Variants in GALNT13 observed in about 807,000 individuals in gnomAD.
GALNT13 encodes polypeptide N-acetylgalactosaminyltransferase 13.
GALNT13 carries 28 observed loss-of-function variants against 64.2 expected under a neutral mutation model. The ratio of observed to expected loss-of-function variants is 0.44; its 90% CI spans 0.32 to 0.60. The LOEUF (loss-of-function observed/expected upper bound fraction) is 0.60, where lower values mean the gene tolerates loss of function less well. Ranked by LOEUF, GALNT13 falls within the 20% of genes least tolerant of loss-of-function variation. GALNT13 has a pLI of 0.05. For synonymous variants in GALNT13, 214 were observed against 224.6 expected, an observed-to-expected ratio of 0.95 and a Z score of 0.42; for missense variants, 577 against 669.8, an observed-to-expected ratio of 0.86 and a Z score of 1.53.
intron 9 of GALNT13, among the ~76,000 whole-genome samples, chr2:154,327,525 G>A (rs550054807): frequency 2.6e-5 from 4 of 152,172 alleles, no homozygotes; most frequent in African/African-American, 9.6e-5. Flanking sequence ...GAAACCTCTT[G>A]TTGGTCATCC....
At chr2:153,637,012 T>C in the GALNT13 span, among the ~76,000 whole-genome samples, 1 of 152,082 alleles carries the variant, frequency 6.6e-6, no homozygotes, top group African/African-American at 2.4e-5. Context: ...TATATTTTAT[T>C]GACAGGGACT....
the GALNT13 span, among the ~76,000 whole-genome samples, chr2:153,219,343 A>G: frequency 2.0e-5 from 3 of 152,260 alleles, no homozygotes; most frequent in Non-Finnish European, 1.5e-5. Context: ...GACAGAAAAT[A>G]GGAAACTTCC....
At chr2:154,354,951 T>C (rs1361302714) in intron 9 of GALNT13, among the ~76,000 whole-genome samples, 2 of 152,124 alleles carry the variant, frequency 1.3e-5, no homozygotes, top group Non-Finnish European at 2.9e-5. Context: ...ACTTTCTACC[T>C]GACTGGATTT....
the GALNT13 span, among the ~76,000 whole-genome samples, chr2:153,674,908 A>G: frequency 2.0e-5 from 3 of 152,340 alleles, no homozygotes; most frequent in Middle Eastern, 3.4e-3. Flanking sequence ...ACACTTCTCA[A>G]AGAAGACATT....
chr2:153,893,899 A>ATT (rs751915471), intron 1 of GALNT13, among the ~76,000 whole-genome samples: 6 of 152,108 alleles, frequency 3.9e-5, no homozygotes, highest in Non-Finnish European at 5.9e-5. Flanking sequence ...AAAAGTAAGG[A>ATT]TATGCAAAGG....
intron 3 of GALNT13, among the ~76,000 whole-genome samples, chr2:154,060,033 A>G (rs1427216800): frequency 6.6e-6 from 1 of 152,126 alleles, no homozygotes; most frequent in Non-Finnish European, 1.5e-5. Flanking sequence ...TGAAATAATA[A>G]AGGTAGGGCC....
chr2:153,633,307 A>G, the GALNT13 span, among the ~76,000 whole-genome samples: 1 of 152,158 alleles, frequency 6.6e-6, no homozygotes, highest in Non-Finnish European at 1.5e-5. Flanking sequence ...ACAGCTGAGG[A>G]TATAAAGTAT....
the GALNT13 span, among the ~76,000 whole-genome samples, chr2:153,085,304 T>A: frequency 6.6e-6 from 1 of 152,168 alleles, no homozygotes; most frequent in African/African-American, 2.4e-5. Context: ...CTGCAGAAAT[T>A]TGCATAAGTA....
the GALNT13 span, among the ~76,000 whole-genome samples, chr2:153,545,369 C>T: frequency 6.6e-6 from 1 of 152,042 alleles, no homozygotes; most frequent in Non-Finnish European, 1.5e-5. Context: ...ATGTTGATTC[C>T]ATGTACACAT....
At chr2:154,298,517 A>ATTATATATAAAATTGTATATAT (rs1553511275) in intron 8 of GALNT13, among the ~76,000 whole-genome samples, 11,800 of 86,104 alleles carry the variant, frequency 0.14, 1,894 homozygotes, top group Non-Finnish European at 0.21. Flanking sequence ...TAAATTATAT[A>ATTATATATAAAATTGTATATAT]TTATATATAA....
the GALNT13 span, among the ~76,000 whole-genome samples, chr2:153,789,186 C>T: frequency 1.1e-4 from 16 of 152,116 alleles, no homozygotes; most frequent in Non-Finnish European, 1.8e-4. Context: ...CTAAAATTGA[C>T]CACACGCTGA....
At chr2:153,765,371 T>C in the GALNT13 span, among the ~76,000 whole-genome samples, 1 of 152,174 alleles carries the variant, frequency 6.6e-6, no homozygotes, top group African/African-American at 2.4e-5. Context: ...TCAAAGTAGA[T>C]CATTTTGGAA....
the GALNT13 span, among the ~76,000 whole-genome samples, chr2:153,396,764 A>C: frequency 9.2e-4 from 140 of 152,234 alleles, no homozygotes; most frequent in African/African-American, 3.3e-3. Flanking sequence ...ATTTTCACAG[A>C]AAGTCTGGAT....
At chr2:153,836,353 T>A in the GALNT13 span, among the ~76,000 whole-genome samples, 2 of 152,080 alleles carry the variant, frequency 1.3e-5, no homozygotes, top group Non-Finnish European at 2.9e-5. Context: ...ACACTTAAAA[T>A]CTACTCTTAG....
intron 9 of GALNT13, among the ~76,000 whole-genome samples, chr2:154,344,816 A>C (rs1259299927): frequency 1.3e-5 from 2 of 151,870 alleles, no homozygotes; most frequent in African/African-American, 2.4e-5. Flanking sequence ...AGAAAGGTAT[A>C]TTTTGAATTC....
intron 9 of GALNT13, among the ~76,000 whole-genome samples, chr2:154,375,464 CCTT>C (rs745570198): frequency 3.9e-5 from 6 of 152,188 alleles, no homozygotes; most frequent in South Asian, 2.1e-4. Flanking sequence ...TTTAGAGTGT[CCTT>C]CTTTGCTCAT....
the GALNT13 span, among the ~76,000 whole-genome samples, chr2:153,129,669 G>A: frequency 1.3e-5 from 2 of 151,978 alleles, no homozygotes; most frequent in Non-Finnish European, 2.9e-5. Context: ...GCTACTCAGG[G>A]GGCTGAGGCA....
chr2:153,814,372 G>A, the GALNT13 span, among the ~76,000 whole-genome samples: 4,746 of 152,224 alleles, frequency 0.031, 139 homozygotes, highest in East Asian at 0.13. Context: ...CCCGGGAGGC[G>A]GAGCTTGCGG....
chr2:154,377,359 T>C (rs1057403684), intron 9 of GALNT13, among the ~76,000 whole-genome samples: 2 of 152,166 alleles, frequency 1.3e-5, no homozygotes, highest in Admixed American at 1.3e-4. Flanking sequence ...TTTATTTCAT[T>C]TTTGCAACTG....
Sources: gnomAD v4.1 joint callset for allele counts (sites outside exome capture counted in the v4.1 genomes callset) on GRCh38, gnomAD v4.1.1 for gene constraint, MANE v1.5 for transcripts, NCBI Gene and HGNC (gene_info 2026-07-23, HGNC 2026-07-21) for gene names.